The following FOXP2 variants were observed in gnomAD, a reference collection of about 807,000 sequenced individuals.
FOXP2 encodes the protein forkhead box P2, also known as forkhead box protein P2.
Under a neutral mutation model 115.8 loss-of-function variants are expected in FOXP2, and 12 were observed. That is an observed-to-expected ratio of 0.10 (90% CI 0.07 to 0.17). The LOEUF is 0.17. Among genes scored for constraint, FOXP2 ranks in the 10% least tolerant of loss-of-function variants. The probability of loss-of-function intolerance (pLI) is 1.00; values close to 1 mark genes in which losing one functional copy is unlikely to be tolerated. For missense variants in FOXP2, 629 were observed against 843.5 expected, an observed-to-expected ratio of 0.75 and a Z score of 3.15; for synonymous variants, 328 against 297.7, an observed-to-expected ratio of 1.10 and a Z score of -1.05.
At chr7:114,090,987 G>C (rs1013582446) in intron 1 of FOXP2, among the ~76,000 whole-genome samples, 1 of 151,484 alleles carries the variant, frequency 6.6e-6, no homozygotes, top group African/African-American at 2.4e-5. Context: ...TTTTAGCCCA[G>C]CTTTGGTTAT....
At chr7:114,123,840 A>G (rs987899650) in intron 1 of FOXP2, among the ~76,000 whole-genome samples, 7 of 152,110 alleles carry the variant, frequency 4.6e-5, no homozygotes, top group African/African-American at 1.4e-4. Flanking sequence ...GTTTTCTACC[A>G]TACACAGCAT....
At chr7:114,227,330 AT>A (rs1185605481) in intron 1 of FOXP2, among the ~76,000 whole-genome samples, 2 of 151,968 alleles carry the variant, frequency 1.3e-5, no homozygotes, top group Non-Finnish European at 2.9e-5. Context: ...GTCTTTATTT[AT>A]TTAGTGTTTC....
intron 6 of FOXP2, among the ~76,000 whole-genome samples, chr7:114,639,168 T>G (rs1805389452): frequency 6.6e-6 from 1 of 152,174 alleles, no homozygotes; most frequent in Non-Finnish European, 1.5e-5. Flanking sequence ...AACTGAGATA[T>G]AAAATGTTGT....
At chr7:114,578,031 T>G (rs1431942034) in intron 3 of FOXP2, among the ~76,000 whole-genome samples, 1 of 152,022 alleles carries the variant, frequency 6.6e-6, no homozygotes, top group Non-Finnish European at 1.5e-5. Context: ...GAATTCAATA[T>G]TTCTAGTGTA....
chr7:114,118,200 G>T (rs772032487), intron 1 of FOXP2, among the ~76,000 whole-genome samples: 10 of 152,024 alleles, frequency 6.6e-5, no homozygotes, highest in Non-Finnish European at 1.0e-4. Context: ...AAAAAGAATG[G>T]GAAGTTCTAA....
chr7:114,506,891 T>C, intron 2 of FOXP2, among the ~76,000 whole-genome samples: 1 of 151,808 alleles, frequency 6.6e-6, no homozygotes, highest in Admixed American at 6.6e-5. Flanking sequence ...CTATAAGCTA[T>C]ATTTATTGTG....
chr7:114,685,449 AT>A (rs1808310529), intron 16 of FOXP2, among the ~76,000 whole-genome samples: 1 of 152,192 alleles, frequency 6.6e-6, no homozygotes, highest in Non-Finnish European at 1.5e-5. Context: ...AGCATGAAAC[AT>A]AAGCATAATA....
intron 2 of FOXP2, among the ~76,000 whole-genome samples, chr7:114,377,527 T>C (rs1028322563): frequency 2.6e-5 from 4 of 152,220 alleles, no homozygotes; most frequent in Admixed American, 2.6e-4. Flanking sequence ...ATTAGTGCTA[T>C]TAGAAATGTG....
At chr7:114,428,026 T>A (rs1173044422) in intron 2 of FOXP2, among the ~76,000 whole-genome samples, 1 of 151,560 alleles carries the variant, frequency 6.6e-6, no homozygotes, top group African/African-American at 2.4e-5. Flanking sequence ...ATAAATACAG[T>A]TTTTCAGGAT....
chr7:114,142,425 A>G (rs1166574434), intron 1 of FOXP2, among the ~76,000 whole-genome samples: 1 of 152,146 alleles, frequency 6.6e-6, no homozygotes, highest in Non-Finnish European at 1.5e-5. Flanking sequence ...AATATTATAA[A>G]TTCCAAAAAA....
intron 10 of FOXP2, among the ~76,000 whole-genome samples, chr7:114,655,440 C>T (rs933234160): frequency 7.9e-5 from 12 of 152,008 alleles, no homozygotes; most frequent in Non-Finnish European, 1.6e-4. Context: ...TTGCTAATTG[C>T]GTTTGATGGT....
intron 1 of FOXP2, among the ~76,000 whole-genome samples, chr7:114,116,388 A>G (rs1294761853): frequency 1.3e-5 from 2 of 152,160 alleles, no homozygotes; most frequent in Non-Finnish European, 2.9e-5. Context: ...GTTTTTTGCT[A>G]GGTATTAAAA....
intron 1 of FOXP2, among the ~76,000 whole-genome samples, chr7:114,177,497 C>G (rs1396224420): frequency 6.6e-6 from 1 of 151,754 alleles, no homozygotes; most frequent in East Asian, 1.9e-4. Context: ...TTTATAAATC[C>G]CTTCCTTAGT....
At chr7:114,184,288 A>G (rs1410189247) in intron 1 of FOXP2, among the ~76,000 whole-genome samples, 1 of 152,140 alleles carries the variant, frequency 6.6e-6, no homozygotes, top group Non-Finnish European at 1.5e-5. Context: ...TTCCTATTAT[A>G]ATACTAGACT....
At chr7:114,614,060 G>A (rs1396067224) in intron 3 of FOXP2, among the ~76,000 whole-genome samples, 1 of 152,134 alleles carries the variant, frequency 6.6e-6, no homozygotes, top group East Asian at 1.9e-4. Context: ...TCACATAGAT[G>A]GAATATGTAT....
At chr7:114,495,715 C>T (rs1292622478) in intron 2 of FOXP2, among the ~76,000 whole-genome samples, 8 of 151,862 alleles carry the variant, frequency 5.3e-5, no homozygotes, top group Admixed American at 5.3e-4. Context: ...CCATGTTGGC[C>T]AGGCTGATCT....
intron 10 of FOXP2, among the ~76,000 whole-genome samples, chr7:114,655,290 T>C (rs1806520730): frequency 6.6e-6 from 1 of 152,150 alleles, no homozygotes; most frequent in Admixed American, 6.6e-5. Flanking sequence ...CAATTAATTA[T>C]TCAATCAGTA....
chr7:114,567,087 T>C (rs1056983067), intron 3 of FOXP2, among the ~76,000 whole-genome samples: 1 of 152,100 alleles, frequency 6.6e-6, no homozygotes, highest in Non-Finnish European at 1.5e-5. Flanking sequence ...TGAAGTCTAC[T>C]GATAAGTTGA....
chr7:114,491,801 G>C (rs1222775063), intron 2 of FOXP2, among the ~76,000 whole-genome samples: 2 of 152,156 alleles, frequency 1.3e-5, no homozygotes, highest in Non-Finnish European at 2.9e-5. Flanking sequence ...TGTGCTGCTG[G>C]ATTCGGTTTG....
Sources: gnomAD v4.1 joint callset for allele counts (sites outside exome capture counted in the v4.1 genomes callset) on GRCh38, gnomAD v4.1.1 for gene constraint, MANE v1.5 for transcripts, NCBI Gene and HGNC (gene_info 2026-07-23, HGNC 2026-07-21) for gene names.